The following MRC2 variants were observed in gnomAD, a reference collection of about 807,000 sequenced individuals.
MRC2 encodes the protein C-type mannose receptor 2.
A neutral mutation model predicts 206.2 loss-of-function variants in MRC2; 84 were observed. The observed-to-expected ratio is 0.41, with a 90% CI of 0.34 to 0.49. MRC2 has a LOEUF of 0.49. MRC2 is among the 20% of genes least tolerant of loss of function. MRC2 has a pLI of 0.31. For synonymous variants in MRC2, 798 were observed against 800.0 expected (o/e 1.00, Z 0.04); for missense variants, 1,676 against 2,001.5 (o/e 0.84, Z 3.10).
At chr17:62,655,733 A>T (rs530672822) in intron 1 of MRC2, among the ~76,000 whole-genome samples, 3 of 151,802 alleles carry the variant, frequency 2.0e-5, no homozygotes, top group African/African-American at 7.3e-5. Context: ...AAAAAAAAAA[A>T]AAAAAGAAAA....
At chr17:62,650,519 G>A (rs1234727765) in intron 1 of MRC2, among the ~76,000 whole-genome samples, 3 of 152,202 alleles carry the variant, frequency 2.0e-5, no homozygotes, top group African/African-American at 7.2e-5. Flanking sequence ...GAGGCTAGCT[G>A]GAGTCCGCTC....
intron 9 of MRC2, 77 bp downstream of exon 9, chr17:62,674,247 C>A (rs1365728268): frequency 9.6e-7 from 1 of 1,042,840 alleles, no homozygotes; most frequent in African/African-American, 1.6e-5. Context: ...GGTGGATGAA[C>A]TCCTGCTGCC....
At chr17:62,629,854 G>T (rs1342770604) in intron 1 of MRC2, among the ~76,000 whole-genome samples, 1 of 152,258 alleles carries the variant, frequency 6.6e-6, no homozygotes, top group Non-Finnish European at 1.5e-5. Context: ...GCTGCTGGGG[G>T]CGAGGCTTAT....
intron 1 of MRC2, among the ~76,000 whole-genome samples, chr17:62,631,919 C>G (rs2147423613): frequency 6.6e-6 from 1 of 152,220 alleles, no homozygotes; most frequent in African/African-American, 2.4e-5. Flanking sequence ...ATGGCCTATT[C>G]TTTATTTGAG....
rs1283078598 is a variant in MRC2 at position 62,692,514 on chromosome 17, TG to T, written c.*65del. The T allele has an allele frequency of 1.4e-6, 2 of 1,469,946 alleles. No individual in the cohort carries two copies. The highest frequency in any genetic ancestry group is 1.8e-6 in the Non-Finnish European group (2 of 1,087,096). 91.1% of individuals were successfully genotyped at this position (1,469,946 alleles called of 1,614,324 possible). A position where few individuals can be genotyped will look rare whatever the true frequency, so the allele number is the denominator to read the frequency against. ...GGGGAGCTGGGGCCCTGGGTCAGTC[TG>T]GCCCCCCACCAGCTGCCTGTCCAGT... On this transcript the variant is annotated 3_prime_UTR_variant, in exon 30 of 30. Transcript: ENST00000303375. This position sits in a 1 kb window ranked among gnomAD's most constrained non-coding sequence, Gnocchi z 4.2.
intron 12 of MRC2, 71 bp from the exon 13 acceptor site, chr17:62,678,433 A>G: frequency 6.4e-7 from 1 of 1,560,876 alleles, no homozygotes. Flanking sequence ...CCATGGTGGG[A>G]AAGGCAGTAG....
intron 20 of MRC2, among the ~76,000 whole-genome samples, chr17:62,684,370 G>A (rs2089007527): frequency 6.6e-6 from 1 of 152,160 alleles, no homozygotes; most frequent in African/African-American, 2.4e-5. Flanking sequence ...GAAGCCAGGA[G>A]TTCGAGACCA....
At chr17:62,653,202 G>T (rs1222463690) in intron 1 of MRC2, among the ~76,000 whole-genome samples, 1 of 152,200 alleles carries the variant, frequency 6.6e-6, no homozygotes, top group Non-Finnish European at 1.5e-5. Flanking sequence ...GCCTGGGGGA[G>T]GACTGGCCGA....
rs1218776875 is a variant in MRC2, at chr17:62,672,767, G to A, written c.1461+615G>A. On this transcript the variant is annotated intron_variant, in intron 8 of 29. Transcript: ENST00000303375. The surrounding 1 kb of genome is among the most constrained non-coding windows in gnomAD (Gnocchi z 4.5). ...AGCACATTGGGAGGCTGAGGCAGGC[G>A]GATCACTTGAGGTGAGGAGTTCGAG... Among the ~76,000 whole-genome samples the A allele has an allele frequency of 2.0e-5, 3 of 152,128 alleles. No homozygotes were observed. Among genetic ancestry groups the A allele is most frequent in the East Asian group, 1.9e-4 (1 of 5,192 alleles).
Position 62,682,338 on chromosome 17 carries a change from G to C in MRC2, c.2907G>C (p.Leu969=). The C allele has an allele frequency of 6.2e-7, 1 of 1,606,736 alleles. No homozygotes were observed. Among genetic ancestry groups the C allele is most frequent in the Non-Finnish European group, 8.5e-7 (1 of 1,177,140 alleles). ...CCCCAGACCTGCCAACTACAGCCCT[G>C]GGGGGCTGCCCCTCTGACTGGATCC... ...TQPPDLPTTA[L]GGCPSDWIQF... Residue 969 remains leucine (L), a synonymous_variant, in exon 20 of 30, where the codon CTG becomes CTC. Coordinates refer to ENST00000303375, the MANE Select transcript of MRC2 (RefSeq NM_006039.5).
chr17:62,633,904 GA>G (rs1178308701), intron 1 of MRC2, among the ~76,000 whole-genome samples: 3 of 119,844 alleles, frequency 2.5e-5, no homozygotes, highest in Non-Finnish European at 5.0e-5. Flanking sequence ...GCTGTCACCA[GA>G]AAGGAGGTCC....
intron 2 of MRC2, among the ~76,000 whole-genome samples, chr17:62,665,694 G>A (rs964664627): frequency 6.6e-6 from 1 of 152,134 alleles, no homozygotes; most frequent in African/African-American, 2.4e-5. Flanking sequence ...CCGTCCTGGG[G>A]GGGCCTTTCC....
rs914165395 is a variant in MRC2 at position 62,671,824 on chromosome 17, G to A, written c.1293G>A (p.Lys431=). 2 of 1,598,340 alleles carry A rather than the reference G, an allele frequency of 1.3e-6. No individual in the cohort carries two copies. Among genetic ancestry groups the A allele is most frequent in the African/African-American group, 1.3e-5 (1 of 74,678 alleles). ...HSMAELEFIT[K]QIKQEVEELW... is the part of the protein sequence containing the mutation. Reference sequence around the variant, plus strand: ...TGGCGGAGCTGGAATTCATCACCAAGCAGATCAAGCAAGGTGAGGAGCTGC... The same window carrying A: ...TGGCGGAGCTGGAATTCATCACCAAACAGATCAAGCAAGGTGAGGAGCTGC... Residue 431 remains lysine (K), a synonymous_variant, in exon 7 of 30, where the codon AAG becomes AAA. Transcript: ENST00000303375. This position sits in a 1 kb window ranked among gnomAD's most constrained non-coding sequence, Gnocchi z 4.5.
At chr17:62,669,127 A>AC (rs1568062752) in intron 6 of MRC2, among the ~76,000 whole-genome samples, 14 of 144,342 alleles carry the variant, frequency 9.7e-5, no homozygotes, top group East Asian at 6.1e-4. Context: ...CACACACACA[A>AC]CACTAACTAC....
intron 1 of MRC2, among the ~76,000 whole-genome samples, chr17:62,641,712 A>T (rs2088406307): frequency 6.6e-6 from 1 of 152,228 alleles, no homozygotes; most frequent in Non-Finnish European, 1.5e-5. Flanking sequence ...ATTTGCAACA[A>T]CATGGGTGAA....
intron 1 of MRC2, among the ~76,000 whole-genome samples, chr17:62,657,272 G>A (rs2088629292): frequency 6.6e-6 from 1 of 152,218 alleles, no homozygotes; most frequent in South Asian, 2.1e-4. Flanking sequence ...CTGGGATCAT[G>A]TCTATATTGT....
chr17:62,653,475 C>T (rs1308547979), intron 1 of MRC2, among the ~76,000 whole-genome samples: 1 of 152,172 alleles, frequency 6.6e-6, no homozygotes, highest in Admixed American at 6.5e-5. Context: ...GAGGGACAGT[C>T]CCACCTCTCC....
intron 1 of MRC2, among the ~76,000 whole-genome samples, chr17:62,634,830 CT>C (rs773204542): frequency 0.01 from 1,451 of 140,478 alleles, 21 homozygotes; most frequent in East Asian, 0.066. Flanking sequence ...TCTGATACAA[CT>C]TTTTTTTTTT....
chr17:62,680,765 T>C lies in MRC2; in HGVS notation c.2474-35T>C. ...CGGGGCCTGGCGTGCAGCCTCTGCC[T>C]GGCCGCCGCTCCCACGCCCGCGCTG... On this transcript the variant is annotated intron_variant, in intron 16 of 29. Transcript: ENST00000303375. This position sits in a 1 kb window ranked among gnomAD's most constrained non-coding sequence, Gnocchi z 4.8. 1 of 1,530,620 alleles carries C rather than the reference T, an allele frequency of 6.5e-7. No individual in the cohort carries two copies. The highest frequency in any genetic ancestry group is 8.8e-7 in the Non-Finnish European group (1 of 1,140,756). The allele number at this position is 1,530,620 out of a possible 1,614,324, so 94.8% of individuals were successfully genotyped here.
Sources: gnomAD v4.1 joint callset for allele counts (sites outside exome capture counted in the v4.1 genomes callset) on GRCh38, gnomAD v4.1.1 for gene constraint, Gnocchi (gnomAD v3.1) non-coding constraint, MANE v1.5 for transcripts, NCBI Gene and HGNC (gene_info 2026-07-23, HGNC 2026-07-21) for gene names.